The following TRDN variants were observed in gnomAD, a reference collection of about 807,000 sequenced individuals.
The protein encoded by TRDN is triadin in skeletal muscle.
A neutral mutation model predicts 149.7 loss-of-function variants in TRDN; 161 were observed. The observed-to-expected ratio is 1.08, with a 90% confidence interval of 0.95 to 1.23. The LOEUF is 1.23. Ranked by LOEUF, TRDN falls within the 50% of genes most tolerant of loss-of-function variation. The probability of loss-of-function intolerance (pLI) is 0.00; values close to 1 mark genes in which losing one functional copy is unlikely to be tolerated. For missense variants in TRDN, 896 were observed against 823.5 expected, an observed-to-expected ratio of 1.09 and a Z score of -1.08; for synonymous variants, 294 against 250.5, an observed-to-expected ratio of 1.17 and a Z score of -1.64.
intron 16 of TRDN, 63 bp from the exon 17 acceptor site, chr6:123,377,961 C>A: frequency 1.6e-6 from 2 of 1,222,660 alleles, no homozygotes; most frequent in South Asian, 1.5e-5. Context: ...TGAATCCCAA[C>A]TTAATTGTTT....
At chr6:123,311,628 T>C (rs1778824926) in intron 24 of TRDN, among the ~76,000 whole-genome samples, 1 of 152,014 alleles carries the variant, frequency 6.6e-6, no homozygotes, top group South Asian at 2.1e-4. Flanking sequence ...CAGTAGGCCA[T>C]AAGAACTTTT....
intron 1 of TRDN, among the ~76,000 whole-genome samples, chr6:123,620,850 A>C (rs1412936696): frequency 6.6e-6 from 1 of 152,156 alleles, no homozygotes; most frequent in Non-Finnish European, 1.5e-5. Context: ...TAATAAAGCC[A>C]GCAAGTCAAA....
chr6:123,352,437 C>A (rs552738934), intron 21 of TRDN, 102 bp downstream of exon 21: 3 of 1,521,864 alleles, frequency 2.0e-6, no homozygotes, highest in East Asian at 2.3e-5. Context: ...GAGTAATAGA[C>A]TTAAAGGTTA....
At chr6:123,599,086 G>T (rs1360865362) in intron 1 of TRDN, among the ~76,000 whole-genome samples, 2 of 152,062 alleles carry the variant, frequency 1.3e-5, no homozygotes, top group East Asian at 3.9e-4. Flanking sequence ...AATATGTCAG[G>T]CACAATAGCT....
chr6:123,455,934 G>A (rs1008731244), intron 10 of TRDN, among the ~76,000 whole-genome samples: 2 of 152,044 alleles, frequency 1.3e-5, no homozygotes, highest in African/African-American at 4.8e-5. Context: ...AAATGTCAAG[G>A]ATGCCTAGAA....
chr6:123,296,928 G>A (rs574226845), intron 24 of TRDN, among the ~76,000 whole-genome samples: 1 of 151,996 alleles, frequency 6.6e-6, no homozygotes, highest in Non-Finnish European at 1.5e-5. Flanking sequence ...AAAAAATTTT[G>A]CTTCATGTCA....
intron 1 of TRDN, among the ~76,000 whole-genome samples, chr6:123,583,266 G>A (rs1019299731): frequency 5.3e-5 from 8 of 152,100 alleles, no homozygotes; most frequent in Non-Finnish European, 1.0e-4. Flanking sequence ...ACGGTGAATA[G>A]GAGTATGACT....
At chr6:123,240,888 T>A (rs1187717531) in intron 38 of TRDN, among the ~76,000 whole-genome samples, 1 of 151,906 alleles carries the variant, frequency 6.6e-6, no homozygotes, top group Non-Finnish European at 1.5e-5. Flanking sequence ...AGAAGTTACT[T>A]GATTTTTGAG....
intron 12 of TRDN, among the ~76,000 whole-genome samples, chr6:123,402,205 T>C (rs185610931): frequency 1.2e-3 from 176 of 152,304 alleles, no homozygotes; most frequent in African/African-American, 3.9e-3. Context: ...GTAAACAAAC[T>C]GAAACCTTAC....
chr6:123,407,424 T>C (rs1364127114), intron 12 of TRDN, among the ~76,000 whole-genome samples: 1 of 152,186 alleles, frequency 6.6e-6, no homozygotes, highest in Non-Finnish European at 1.5e-5. Context: ...TGGAAACTTT[T>C]CTGATCCTCG....
chr6:123,376,998 A>T (rs1338034725), intron 18 of TRDN, among the ~76,000 whole-genome samples: 1 of 152,150 alleles, frequency 6.6e-6, no homozygotes, highest in Non-Finnish European at 1.5e-5. Flanking sequence ...TGGTTTCAGA[A>T]ATTTTCATTT....
chr6:123,268,309 C>G (rs1353122959), intron 31 of TRDN, among the ~76,000 whole-genome samples: 3 of 151,834 alleles, frequency 2.0e-5, no homozygotes, highest in African/African-American at 7.3e-5. Flanking sequence ...TCTTAAAACT[C>G]TCATAGCTGA....
In TRDN at chr6:123,393,480, C is replaced by T. The variant is rs1016678622; in HGVS notation, c.1105+144G>A. The T allele has an allele frequency of 1.0e-4, 73 of 706,428 alleles. No individual in the cohort carries two copies. In the African/African-American group the frequency reaches 1.1e-3, roughly 11 times the overall value. 43.8% of individuals were successfully genotyped at this position (706,428 alleles called of 1,614,324 possible). A position where few individuals can be genotyped will look rare whatever the true frequency, so the allele number is the denominator to read the frequency against. On this transcript the variant is annotated intron_variant, in intron 13 of 40. Transcript: ENST00000334268. Reference sequence around the variant, plus strand: ...TCCAATTACTAAATAAATACTTGAACTGTGTATTTTCATTCAACAATATTT... The same window carrying T: ...TCCAATTACTAAATAAATACTTGAATTGTGTATTTTCATTCAACAATATTT...
chr6:123,460,715 A>T (rs1411428396), intron 10 of TRDN, among the ~76,000 whole-genome samples: 29 of 152,046 alleles, frequency 1.9e-4, no homozygotes, highest in Non-Finnish European at 1.5e-5. Context: ...GTTTAATAGA[A>T]TTGTAAATAA....
At chr6:123,345,296 A>T (rs139866037) in intron 21 of TRDN, among the ~76,000 whole-genome samples, 1 of 152,088 alleles carries the variant, frequency 6.6e-6, no homozygotes, top group East Asian at 1.9e-4. Flanking sequence ...TTGTTGCAAC[A>T]CCAATTTGTT....
intron 8 of TRDN, among the ~76,000 whole-genome samples, chr6:123,499,719 A>AAAAAAAAAAAAATATATATATATAT: frequency 1.3e-4 from 6 of 47,670 alleles, no homozygotes; most frequent in Non-Finnish European, 2.2e-4. Flanking sequence ...AAAAAAAAAA[A>AAAAAAAAAAAAATATATATATATAT]ATATATATAT....
At chr6:123,264,313 CT>C (rs1176386516) in intron 33 of TRDN, among the ~76,000 whole-genome samples, 3 of 152,040 alleles carry the variant, frequency 2.0e-5, no homozygotes, top group African/African-American at 7.2e-5. Context: ...TTGATTTTGA[CT>C]CTTACGGATG....
At chr6:123,618,965 A>G (rs1785241995) in intron 1 of TRDN, among the ~76,000 whole-genome samples, 1 of 152,194 alleles carries the variant, frequency 6.6e-6, no homozygotes, top group South Asian at 2.1e-4. Context: ...AAAGGAATAA[A>G]TGTGTAAATA....
intron 38 of TRDN, among the ~76,000 whole-genome samples, chr6:123,249,438 C>T (rs144532336): frequency 1.1e-3 from 164 of 152,036 alleles, no homozygotes; most frequent in African/African-American, 3.7e-3. Context: ...CATATCTACC[C>T]AAAGGAAAAT....
Sources: gnomAD v4.1 joint callset for allele counts (sites outside exome capture counted in the v4.1 genomes callset) on GRCh38, gnomAD v4.1.1 for gene constraint, MANE v1.5 for transcripts, NCBI Gene and HGNC (gene_info 2026-07-23, HGNC 2026-07-21) for gene names.